PCDHGA9: variants seen among roughly 807,000 people sequenced by gnomAD.
PCDHGA9 encodes protocadherin gamma subfamily A, 9, also known as protocadherin gamma-A9.
Under a neutral mutation model 62.5 loss-of-function variants are expected in PCDHGA9, and 37 were observed. That is an observed-to-expected ratio of 0.59 (90% confidence interval 0.46 to 0.78). The LOEUF (loss-of-function observed/expected upper bound fraction) is 0.78. Ranked by LOEUF, PCDHGA9 falls within the 30% of genes least tolerant of loss-of-function variation. The probability of loss-of-function intolerance (pLI) is 0.00; values close to 1 mark genes in which losing one functional copy is unlikely to be tolerated. For synonymous variants in PCDHGA9, 459 were observed against 484.6 expected, an observed-to-expected ratio of 0.95 and a Z score of 0.69; for missense variants, 1,138 against 1,166.2, an observed-to-expected ratio of 0.98 and a Z score of 0.35.
At chr5:141,419,689 G>T in intron 1 of PCDHGA9, 1 of 1,613,000 alleles carries the variant, frequency 6.2e-7, no homozygotes, top group African/African-American at 1.3e-5. Context: ...ACGTGGTGCA[G>T]GCCAGTGAGC....
intron 1 of PCDHGA9, among the ~76,000 whole-genome samples, chr5:141,481,794 A>C (rs1433830305): frequency 6.6e-6 from 1 of 152,136 alleles, no homozygotes; most frequent in East Asian, 1.9e-4. Context: ...TCTACTAAAA[A>C]TACAAAAATT....
At chr5:141,484,707 G>C (rs1288663675) in intron 1 of PCDHGA9, among the ~76,000 whole-genome samples, 1 of 151,802 alleles carries the variant, frequency 6.6e-6, no homozygotes. Flanking sequence ...TGTTTTCCCC[G>C]CCGAAAAGGG....
intron 1 of PCDHGA9, chr5:141,471,339 C>G (rs537413312): frequency 2.6e-5 from 4 of 152,366 alleles, no homozygotes; most frequent in Admixed American, 2.6e-4. Context: ...GTATGATCCA[C>G]TGCGCCCGGC....
chr5:141,445,252 A>G (rs2098461096), intron 1 of PCDHGA9, among the ~76,000 whole-genome samples: 1 of 152,224 alleles, frequency 6.6e-6, no homozygotes, highest in Non-Finnish European at 1.5e-5. Context: ...ATATTGTGTG[A>G]GAATATAAGT....
intron 1 of PCDHGA9, chr5:141,430,854 G>A (rs140440273): frequency 5.0e-6 from 8 of 1,587,648 alleles, no homozygotes; most frequent in Middle Eastern, 1.7e-4. Flanking sequence ...ACCCAGATAC[G>A]CTATTCAGTT....
chr5:141,419,549 T>C, intron 1 of PCDHGA9: 1 of 1,612,006 alleles, frequency 6.2e-7, no homozygotes, highest in Non-Finnish European at 8.5e-7. Context: ...GCGGGTGCTG[T>C]ACCCTGCGCT....
intron 1 of PCDHGA9, among the ~76,000 whole-genome samples, chr5:141,445,582 T>C (rs886701142): frequency 6.6e-6 from 1 of 152,214 alleles, no homozygotes; most frequent in Non-Finnish European, 1.5e-5. Context: ...TAGGGAAGCT[T>C]CGCCTAATCT....
chr5:141,423,569 TC>T (rs2096755253), intron 1 of PCDHGA9: 1 of 1,613,362 alleles, frequency 6.2e-7, no homozygotes, highest in Non-Finnish European at 8.5e-7. Context: ...GACACGCTCA[TC>T]AGCCAGGAGA....
chr5:141,476,281 T>G lies in PCDHGA9; in HGVS notation c.2425-18526T>G. On this transcript the variant is annotated intron_variant, in intron 1 of 3. Coordinates refer to ENST00000573521, the MANE Select transcript of PCDHGA9 (RefSeq NM_018921.3). This position sits in a 1 kb window ranked among gnomAD's most constrained non-coding sequence, Gnocchi z 7.6. ...TGGGCAACGTGGTCGCGAACCTTGGTTTGGATCTCGGTAGCCTCTCAGCCC... is the reference window on the plus strand; with the variant it reads ...TGGGCAACGTGGTCGCGAACCTTGGGTTGGATCTCGGTAGCCTCTCAGCCC... 1 of 1,614,048 alleles carries G rather than the reference T, an allele frequency of 6.2e-7. No homozygotes were observed. The highest frequency in any genetic ancestry group is 1.1e-5 in the South Asian group (1 of 91,062).
Position 141,410,123 on chromosome 5 carries a change from C to T in PCDHGA9, c.2424+4747C>T. ...AGGCGACAGGGACGCAGCCCGCCAG[C>T]GCCTGCTGGTCGCTGTGCGTGACGG... On this transcript the variant is annotated intron_variant, in intron 1 of 3. Coordinates refer to ENST00000573521, the MANE Select transcript of PCDHGA9 (RefSeq NM_018921.3). The T allele has an allele frequency of 1.2e-6, 2 of 1,612,780 alleles. No individual in the cohort carries two copies. The highest frequency in any genetic ancestry group is 1.7e-6 in the Non-Finnish European group (2 of 1,179,646).
chr5:141,404,680 G>C lies in PCDHGA9; in HGVS notation c.1728G>C (p.Glu576Asp). The change falls in exon 1 of 4, where the codon GAG (glutamate) becomes GAC (aspartate). Residue 576 changes from glutamate to aspartate, a missense_variant. Physicochemically the swap from Glu to Asp is conservative, Grantham distance 45 (BLOSUM62 2). Transcript: ENST00000573521. Reference protein sequence around the residue: ...ALPTDGSTGVELAPRSAEPGY... With the variant: ...ALPTDGSTGVDLAPRSAEPGY... ...CCACTGATGGTTCTACTGGTGTGGAGCTGGCACCCCGCTCTGCAGAGCCTG... is the reference window on the plus strand; with the variant it reads ...CCACTGATGGTTCTACTGGTGTGGACCTGGCACCCCGCTCTGCAGAGCCTG... 6.2e-7 allele frequency: 1 copy of C among 1,614,160 alleles called. No individual in the cohort carries two copies. The highest frequency in any genetic ancestry group is 2.2e-5 in the East Asian group (1 of 44,882).
chr5:141,417,185 A>C (rs2096092787), intron 1 of PCDHGA9: 1 of 152,216 alleles, frequency 6.6e-6, no homozygotes, highest in Admixed American at 6.5e-5. Context: ...AGGAATTATT[A>C]CTTTCTGGGT....
Position 141,477,952 on chromosome 5 carries a change from A to C in PCDHGA9, c.2425-16855A>C, listed in dbSNP as rs907708638. The C allele has an allele frequency of 1.2e-6, 2 of 1,614,038 alleles. No individual in the cohort carries two copies. Among genetic ancestry groups the C allele is most frequent in the Non-Finnish European group, 1.7e-6 (2 of 1,180,002 alleles). Reference sequence around the variant, plus strand: ...CCTGGCTCTCCTACAGTCTCTTGGGATCCCCTAACCAGAGCCTTTTTGCCA... The same window carrying C: ...CCTGGCTCTCCTACAGTCTCTTGGGCTCCCCTAACCAGAGCCTTTTTGCCA... On this transcript the variant is annotated intron_variant, in intron 1 of 3. Coordinates refer to ENST00000573521, the MANE Select transcript of PCDHGA9 (RefSeq NM_018921.3). This position sits in a 1 kb window ranked among gnomAD's most constrained non-coding sequence, Gnocchi z 4.9.
At chr5:141,420,311 T>C (rs762191274) in intron 1 of PCDHGA9, 102 of 1,454,698 alleles carry the variant, frequency 7.0e-5, no homozygotes, top group Non-Finnish European at 9.3e-5. Flanking sequence ...CTTTTTATAT[T>C]ACAATATGCC....
At position 141,403,502 on chromosome 5, in the gene PCDHGA9, A is replaced by G; in HGVS notation, c.550A>G (p.Thr184Ala). ...PNHHFSLNVQTGDNGAINPEL... is the reference protein window; with the variant it reads ...PNHHFSLNVQAGDNGAINPEL... ...TCACCACTTCTCCCTGAACGTGCAG[A>G]CTGGAGACAATGGAGCCATAAACCC... Residue 184 changes from threonine (T) to alanine (A), a missense_variant, in exon 1 of 4, where the codon ACT becomes GCT. Physicochemically the swap from Thr to Ala is moderately conservative, Grantham distance 58 (BLOSUM62 0). Transcript: ENST00000573521. 6.2e-7 allele frequency: 1 copy of G among 1,613,998 alleles called. No individual in the cohort carries two copies. Among genetic ancestry groups the G allele is most frequent in the Non-Finnish European group, 8.5e-7 (1 of 1,179,888 alleles).
In PCDHGA9 at chr5:141,489,664, A is replaced by C. The variant is rs745597010; in HGVS notation, c.2425-5143A>C. 1.9e-6 allele frequency: 3 copies of C among 1,614,224 alleles called. No individual in the cohort carries two copies. Among genetic ancestry groups the C allele is most frequent in the African/African-American group, 1.3e-5 (1 of 75,058 alleles). On this transcript the variant is annotated intron_variant, in intron 1 of 3. Transcript: ENST00000573521. This position sits in a 1 kb window ranked among gnomAD's most constrained non-coding sequence, Gnocchi z 4.5. ...TGCCACCCCTGAGCGAGAGATGCGC[A>C]TCTCAGAATCAGCAGCATCTGGGGC... is the stretch of plus-strand genomic sequence containing the variant.
intron 1 of PCDHGA9, among the ~76,000 whole-genome samples, chr5:141,448,287 C>G (rs1394399947): frequency 6.6e-6 from 1 of 152,130 alleles, no homozygotes; most frequent in Non-Finnish European, 1.5e-5. Flanking sequence ...GCAACTTGCT[C>G]TTTCCACTTA....
chr5:141,474,321 A>G (rs75620387), intron 1 of PCDHGA9, among the ~76,000 whole-genome samples: 2,046 of 152,326 alleles, frequency 0.013, 15 homozygotes, highest in Middle Eastern at 0.034. Context: ...GTGTTTTCAA[A>G]TCACCCTGAT....
intron 1 of PCDHGA9, chr5:141,478,520 G>C (rs1474701976): frequency 1.2e-6 from 2 of 1,610,510 alleles, no homozygotes; most frequent in East Asian, 4.5e-5. Context: ...GCAGGTGTTG[G>C]GTGCAGAGAG....
Sources: allele counts gnomAD v4.1 joint callset (sites outside exome capture counted in the v4.1 genomes callset), GRCh38; gene constraint gnomAD v4.1.1; non-coding constraint Gnocchi (gnomAD v3.1); transcripts MANE v1.5; gene names NCBI Gene and HGNC (gene_info 2026-07-23, HGNC 2026-07-21).